ZFHX3: variants seen among roughly 807,000 people sequenced by gnomAD.
ZFHX3 encodes the protein zinc finger homeobox protein 3.
In ZFHX3, 42 loss-of-function variants were observed where a neutral mutation model predicts 279.1. The observed-to-expected ratio is 0.15, with a 90% confidence interval of 0.12 to 0.19. The LOEUF is 0.19. Ranked by LOEUF, ZFHX3 falls within the 10% of genes least tolerant of loss-of-function variation. The probability of loss-of-function intolerance (pLI) is 1.00; values close to 1 mark genes in which losing one functional copy is unlikely to be tolerated. For synonymous variants in ZFHX3, 2,293 were observed against 1,957.8 expected, an observed-to-expected ratio of 1.17 and a Z score of -4.52; for missense variants, 4,981 against 4,754.0, an observed-to-expected ratio of 1.05 and a Z score of -1.40.
intron 1 of ZFHX3, among the ~76,000 whole-genome samples, chr16:73,846,468 A>T (rs1339892280): frequency 6.6e-6 from 1 of 151,960 alleles, no homozygotes; most frequent in Non-Finnish European, 1.5e-5. Context: ...TCAAGCTGTG[A>T]CTCTGTTTAA....
At chr16:73,005,881 G>T (rs2144609837) in intron 1 of ZFHX3, 1 of 152,176 alleles carries the variant, frequency 6.6e-6, no homozygotes, top group Middle Eastern at 3.4e-3. Context: ...CACTTAACAT[G>T]AAATACAACC....
intron 1 of ZFHX3, among the ~76,000 whole-genome samples, chr16:72,984,747 C>T (rs981180196): frequency 6.6e-6 from 1 of 152,038 alleles, no homozygotes. Flanking sequence ...TTGAGGACCC[C>T]GTGATGGTCT....
intron 1 of ZFHX3, among the ~76,000 whole-genome samples, chr16:73,725,358 C>T (rs144713860): frequency 1.1e-3 from 172 of 152,262 alleles, no homozygotes; most frequent in African/African-American, 3.9e-3. Context: ...AGACATGTGT[C>T]GGGGCCTGGA....
chr16:73,870,263 T>A (rs1056892200), intron 1 of ZFHX3, among the ~76,000 whole-genome samples: 1 of 152,176 alleles, frequency 6.6e-6, no homozygotes, highest in Non-Finnish European at 1.5e-5. Context: ...CCACTGGGCA[T>A]TAGACAAGCC....
chr16:73,395,684 A>G (rs2017113114), intron 3 of ZFHX3, among the ~76,000 whole-genome samples: 1 of 152,134 alleles, frequency 6.6e-6, no homozygotes, highest in Non-Finnish European at 1.5e-5. Context: ...GGCTACATAA[A>G]AAGACACCAA....
chr16:73,831,374 G>C (rs926502186), intron 1 of ZFHX3, among the ~76,000 whole-genome samples: 2 of 152,174 alleles, frequency 1.3e-5, no homozygotes, highest in African/African-American at 4.8e-5. Flanking sequence ...AGCAGCCCTG[G>C]GGGCTCTGAT....
In ZFHX3 at chr16:72,800,135, G is replaced by A. The variant is rs768364685; in HGVS notation, c.3865-6C>T. 6.2e-7 allele frequency: 1 copy of A among 1,608,890 alleles called. No homozygotes were observed. The highest frequency in any genetic ancestry group is 8.5e-7 in the Non-Finnish European group (1 of 1,175,252). ...ACCATCTCAGGGGTGGTCACCTGAG[G>A]AGCAAGAGCAAGGAGAGTCAAATGG... On this transcript the variant is annotated splice_polypyrimidine_tract_variant and splice_region_variant and intron_variant, in intron 7 of 9. Transcript: ENST00000268489.
intron 1 of ZFHX3, among the ~76,000 whole-genome samples, chr16:73,036,086 C>G (rs968819655): frequency 5.9e-5 from 9 of 152,342 alleles, no homozygotes; most frequent in South Asian, 4.1e-4. Flanking sequence ...CCTTCTCCCC[C>G]ACCCCATACA....
chr16:73,309,884 T>G (rs139605534), intron 4 of ZFHX3, among the ~76,000 whole-genome samples: 45 of 148,848 alleles, frequency 3.0e-4, no homozygotes, highest in Admixed American at 1.5e-3. Flanking sequence ...ATAAACATGC[T>G]TTGGGACTCG....
At chr16:73,270,011 G>A (rs2014097017) in intron 4 of ZFHX3, among the ~76,000 whole-genome samples, 1 of 152,108 alleles carries the variant, frequency 6.6e-6, no homozygotes, top group Non-Finnish European at 1.5e-5. Context: ...GGCTTCCAAA[G>A]TGCTGGGATT....
At chr16:72,960,612 C>T (rs978422828) in intron 1 of ZFHX3, among the ~76,000 whole-genome samples, 44 of 152,314 alleles carry the variant, frequency 2.9e-4, no homozygotes, top group African/African-American at 1.0e-3. Flanking sequence ...CACACGAAGT[C>T]AGCCCCGACT....
At chr16:73,544,015 A>G (rs1405719735) in intron 2 of ZFHX3, 1 of 152,276 alleles carries the variant, frequency 6.6e-6, no homozygotes, top group Non-Finnish European at 1.5e-5. Context: ...ACAGGTAATT[A>G]AAAGGACTGT....
chr16:73,857,009 A>G (rs906824546), intron 1 of ZFHX3, among the ~76,000 whole-genome samples: 1 of 152,224 alleles, frequency 6.6e-6, no homozygotes, highest in Non-Finnish European at 1.5e-5. Context: ...ACAGACAAAC[A>G]GAGTGCCGAG....
At chr16:73,647,010 A>AG (rs1305688243) in intron 2 of ZFHX3, among the ~76,000 whole-genome samples, 103 of 71,518 alleles carry the variant, frequency 1.4e-3, no homozygotes, top group African/African-American at 4.3e-3. Flanking sequence ...TCGTTGTGCC[A>AG]ACCTTTTTTT....
At chr16:73,117,056 A>G (rs571174214) in intron 7 of ZFHX3, among the ~76,000 whole-genome samples, 1 of 152,314 alleles carries the variant, frequency 6.6e-6, no homozygotes, top group African/African-American at 2.4e-5. Context: ...GGCTAAAATG[A>G]AGGAAGAGGC....
chr16:73,313,350 CA>C (rs1408210527), intron 4 of ZFHX3, among the ~76,000 whole-genome samples: 5 of 152,112 alleles, frequency 3.3e-5, no homozygotes, highest in African/African-American at 1.2e-4. Flanking sequence ...CGAATACAGC[CA>C]GATTCTGTAG....
intron 6 of ZFHX3, among the ~76,000 whole-genome samples, chr16:73,142,037 C>A (rs563869588): frequency 6.6e-6 from 1 of 152,340 alleles, no homozygotes; most frequent in Admixed American, 6.5e-5. Context: ...CTCTGATGGG[C>A]TGCACATCAT....
rs1225286140 is a variant in ZFHX3 at position 72,784,385 on chromosome 16, T to C, written c.*2779A>G. 2.0e-5 allele frequency: 3 copies of C among 152,574 alleles called. No individual in the cohort carries two copies. Among genetic ancestry groups the C allele is most frequent in the Non-Finnish European group, 4.4e-5 (3 of 68,032 alleles). The allele number at this position is 152,574 out of a possible 1,614,324, so 9.5% of individuals were successfully genotyped here. A position where few individuals can be genotyped will look rare whatever the true frequency, so the allele number is the denominator to read the frequency against. ...ATTGCACTATTACCAAGCAATATCATTTTTAAAAACAACGTTTTCAGAGAA... is the reference window on the plus strand; with the variant it reads ...ATTGCACTATTACCAAGCAATATCACTTTTAAAAACAACGTTTTCAGAGAA... On this transcript the variant is annotated 3_prime_UTR_variant, in exon 10 of 10. Transcript: ENST00000268489.
intron 1 of ZFHX3, among the ~76,000 whole-genome samples, chr16:73,701,386 T>C (rs1485201355): frequency 1.3e-5 from 2 of 152,156 alleles, no homozygotes; most frequent in South Asian, 2.1e-4. Context: ...TTCAAAAATG[T>C]CCTAGACATA....
Sources: gnomAD v4.1 joint callset for allele counts (sites outside exome capture counted in the v4.1 genomes callset) on GRCh38, gnomAD v4.1.1 for gene constraint, MANE v1.5 for transcripts, NCBI Gene and HGNC (gene_info 2026-07-23, HGNC 2026-07-21) for gene names.